MYO9A: variants seen among roughly 807,000 people sequenced by gnomAD.
The protein encoded by MYO9A is unconventional myosin-IXa.
A neutral mutation model predicts 293.3 loss-of-function variants in MYO9A; 103 were observed. The ratio of observed to expected loss-of-function variants is 0.35; its 90% CI spans 0.30 to 0.41. The LOEUF (loss-of-function observed/expected upper bound fraction) is 0.41, where lower values mean the gene tolerates loss of function less well. Among genes scored for constraint, MYO9A ranks in the 10% least tolerant of loss-of-function variants. The pLI is 1.00. For missense variants in MYO9A, 2,685 were observed against 3,033.0 expected, an observed-to-expected ratio of 0.89 and a Z score of 2.69; for synonymous variants, 1,001 against 1,035.7, an observed-to-expected ratio of 0.97 and a Z score of 0.64.
At chr15:71,880,294 A>G in intron 29 of MYO9A, 41 bp downstream of exon 29, 1 of 1,545,458 alleles carries the variant, frequency 6.5e-7, no homozygotes, top group Non-Finnish European at 8.9e-7. Context: ...TATTCCATAC[A>G]CAGAGCTGCT....
intron 32 of MYO9A, among the ~76,000 whole-genome samples, chr15:71,872,659 T>C (rs2056551624): frequency 6.6e-6 from 1 of 152,120 alleles, no homozygotes; most frequent in Non-Finnish European, 1.5e-5. Flanking sequence ...GATCAAAAGG[T>C]ACACAAAGCA....
At chr15:72,115,898 A>C (rs1367796741) in intron 1 of MYO9A, among the ~76,000 whole-genome samples, 1 of 152,220 alleles carries the variant, frequency 6.6e-6, no homozygotes, top group Non-Finnish European at 1.5e-5. Context: ...TGTTGGTAAA[A>C]GCAAAACACC....
intron 13 of MYO9A, among the ~76,000 whole-genome samples, chr15:71,962,275 C>T (rs1024589165): frequency 1.3e-5 from 2 of 152,192 alleles, no homozygotes; most frequent in Admixed American, 1.3e-4. Context: ...GTTGGTACAG[C>T]TTCATAGAAT....
intron 39 of MYO9A, among the ~76,000 whole-genome samples, chr15:71,832,858 A>T (rs1204615031): frequency 6.6e-6 from 1 of 152,214 alleles, no homozygotes; most frequent in Admixed American, 6.5e-5. Context: ...AGAGGAACAA[A>T]ATCATATCAC....
chr15:72,109,443 A>G (rs2080697598), intron 1 of MYO9A, among the ~76,000 whole-genome samples: 1 of 151,892 alleles, frequency 6.6e-6, no homozygotes, highest in Non-Finnish European at 1.5e-5. Context: ...TAATGCAAAT[A>G]TGGATGGCAT....
chr15:71,966,663 C>T (rs2075885426), intron 13 of MYO9A, among the ~76,000 whole-genome samples: 1 of 152,116 alleles, frequency 6.6e-6, no homozygotes, highest in African/African-American at 2.4e-5. Flanking sequence ...TCATAATCAT[C>T]TGGATCCCCC....
At chr15:72,066,079 G>A (rs1427741136) in intron 1 of MYO9A, among the ~76,000 whole-genome samples, 1 of 152,178 alleles carries the variant, frequency 6.6e-6, no homozygotes, top group African/African-American at 2.4e-5. Context: ...TGGCCTACTG[G>A]TGCACATAAG....
chr15:71,925,678 CCCA>C (rs2058292668), intron 18 of MYO9A, among the ~76,000 whole-genome samples: 1 of 152,116 alleles, frequency 6.6e-6, no homozygotes, highest in Admixed American at 6.5e-5. Flanking sequence ...TCCCCATCCC[CCCA>C]CAATTTATAA....
intron 27 of MYO9A, among the ~76,000 whole-genome samples, chr15:71,887,684 T>A (rs184470188): frequency 6.6e-6 from 1 of 152,188 alleles, no homozygotes; most frequent in African/African-American, 2.4e-5. Context: ...TTACCTTTCC[T>A]CTGCATGATG....
intron 17 of MYO9A, 71 bp downstream of exon 17, chr15:71,935,270 T>A (rs996503263): frequency 7.0e-7 from 1 of 1,436,516 alleles, no homozygotes; most frequent in African/African-American, 1.4e-5. Context: ...TTCATTTTTT[T>A]CTGCCAGAAA....
intron 13 of MYO9A, among the ~76,000 whole-genome samples, chr15:71,967,239 C>A (rs1001842677): frequency 6.6e-6 from 1 of 152,188 alleles, no homozygotes; most frequent in African/African-American, 2.4e-5. Flanking sequence ...TATATGCACA[C>A]ACAATATGTA....
chr15:71,930,642 T>A (rs2058449933), intron 18 of MYO9A, among the ~76,000 whole-genome samples: 1 of 152,216 alleles, frequency 6.6e-6, no homozygotes, highest in African/African-American at 2.4e-5. Context: ...TCTCTTTTTT[T>A]AATGCATTCA....
At chr15:72,034,958 T>C (rs1275513191) in intron 2 of MYO9A, among the ~76,000 whole-genome samples, 1 of 152,224 alleles carries the variant, frequency 6.6e-6, no homozygotes, top group Non-Finnish European at 1.5e-5. Context: ...AGGCTTGCAA[T>C]AGTTACTTCA....
rs527502830 is a variant in MYO9A at position 71,859,792 on chromosome 15, G to A, written c.6096C>T (p.Cys2032=). The change falls in exon 34 of 42, where the codon TGC becomes TGT. Residue 2032 remains cysteine (C), a synonymous_variant. Transcript: ENST00000356056. ...AGCACTTCTTATGGCAAGCATACTT[G>A]CATACTGAAAAATAGGTGAGGAATG... ...IMDRASVCKL[C]KYACHKKCCL... 1 of 1,612,958 alleles carries A rather than the reference G, an allele frequency of 6.2e-7. No individual in the cohort carries two copies. The highest frequency in any genetic ancestry group is 1.1e-5 in the South Asian group (1 of 90,994).
chr15:72,071,851 T>C (rs946581748), intron 1 of MYO9A, among the ~76,000 whole-genome samples: 6 of 152,122 alleles, frequency 3.9e-5, no homozygotes, highest in Non-Finnish European at 8.8e-5. Flanking sequence ...AACTACCATT[T>C]GACCCAGCAA....
Position 72,065,130 on chromosome 15 carries a change from G to T in MYO9A, c.-71-18496C>A, listed in dbSNP as rs190778869. Among the ~76,000 whole-genome samples, 307 of 152,258 alleles carry T rather than the reference G, an allele frequency of 2.0e-3. 2 individuals carry two copies. The highest frequency in any genetic ancestry group is 6.7e-3 in the African/African-American group (280 of 41,538). ...GGTGCTGCACCAACTGGATTGTCTA[G>T]AAAAATTAATTCATGGACAAAAATT... On this transcript the variant is annotated intron_variant, in intron 1 of 41. Transcript: ENST00000356056.
chr15:72,014,681 A>C (rs1039393162), intron 6 of MYO9A, among the ~76,000 whole-genome samples: 2 of 151,674 alleles, frequency 1.3e-5, no homozygotes, highest in African/African-American at 4.9e-5. Context: ...GCGAGATACC[A>C]TGAAAGAAAG....
chr15:72,091,953 T>C (rs2079927496), intron 1 of MYO9A, among the ~76,000 whole-genome samples: 1 of 152,180 alleles, frequency 6.6e-6, no homozygotes, highest in Non-Finnish European at 1.5e-5. Flanking sequence ...CCTGACCTTG[T>C]GATCCACCCA....
chr15:72,017,010 CTTTTTTTTTTTTT>C (rs61153023), intron 6 of MYO9A, among the ~76,000 whole-genome samples: 2,430 of 58,620 alleles, frequency 0.041, 108 homozygotes, highest in African/African-American at 0.14. Flanking sequence ...GAGCCCAAAT[CTTTTTTTTTTTTT>C]TTTTTTTTTT....
Sources: allele counts gnomAD v4.1 joint callset (sites outside exome capture counted in the v4.1 genomes callset), GRCh38; gene constraint gnomAD v4.1.1; transcripts MANE v1.5; gene names NCBI Gene and HGNC (gene_info 2026-07-23, HGNC 2026-07-21).